Variants in AGBL4 observed in about 807,000 individuals in gnomAD.
AGBL4 encodes AGBL carboxypeptidase 4.
In AGBL4, 58 loss-of-function variants were observed where a neutral mutation model predicts 66.4. The ratio of observed to expected loss-of-function variants is 0.87; its 90% CI spans 0.71 to 1.09. The LOEUF is 1.09. Among genes scored for constraint, AGBL4 ranks in the 50% least tolerant of loss-of-function variants. AGBL4 has a pLI of 0.00. For synonymous variants in AGBL4, 234 were observed against 222.9 expected (o/e 1.05, Z -0.44); for missense variants, 579 against 631.0 (o/e 0.92, Z 0.88).
intron 3 of AGBL4, among the ~76,000 whole-genome samples, chr1:49,658,099 A>T (rs1216221589): frequency 6.6e-6 from 1 of 152,182 alleles, no homozygotes; most frequent in Non-Finnish European, 1.5e-5. Context: ...AATTTTTGCA[A>T]TCTACTCATC....
At chr1:49,986,009 A>G (rs1659473553) in intron 1 of AGBL4, among the ~76,000 whole-genome samples, 1 of 152,138 alleles carries the variant, frequency 6.6e-6, no homozygotes, top group Non-Finnish European at 1.5e-5. Flanking sequence ...TCTACTAAGG[A>G]CATTCCAGAT....
chr1:49,627,564 A>G (rs1226864334), intron 3 of AGBL4, among the ~76,000 whole-genome samples: 1 of 152,084 alleles, frequency 6.6e-6, no homozygotes, highest in Non-Finnish European at 1.5e-5. Flanking sequence ...GCTATGTTTT[A>G]TTTCATACAA....
chr1:49,943,338 T>G (rs952576559), intron 1 of AGBL4, among the ~76,000 whole-genome samples: 3 of 152,152 alleles, frequency 2.0e-5, no homozygotes, highest in Non-Finnish European at 4.4e-5. Flanking sequence ...TACTGCATCA[T>G]GAACTTTTGC....
intron 3 of AGBL4, among the ~76,000 whole-genome samples, chr1:49,264,736 C>T (rs910533397): frequency 1.3e-5 from 2 of 151,960 alleles, no homozygotes; most frequent in Admixed American, 6.6e-5. Flanking sequence ...GTAGAGATGG[C>T]GTTTCTCTGT....
At chr1:49,818,047 G>T (rs544846242) in intron 2 of AGBL4, among the ~76,000 whole-genome samples, 1 of 152,020 alleles carries the variant, frequency 6.6e-6, no homozygotes, top group Non-Finnish European at 1.5e-5. Context: ...TTAATTTTTT[G>T]TAACTTGTTT....
intron 6 of AGBL4, among the ~76,000 whole-genome samples, chr1:48,805,246 G>T (rs1645897549): frequency 6.6e-6 from 1 of 152,158 alleles, no homozygotes; most frequent in South Asian, 2.1e-4. Flanking sequence ...AGTTTTCTTA[G>T]AAATGACATC....
chr1:49,022,860 A>G (rs1026888810), intron 5 of AGBL4, among the ~76,000 whole-genome samples: 1 of 152,214 alleles, frequency 6.6e-6, no homozygotes, highest in Non-Finnish European at 1.5e-5. Flanking sequence ...CTAGTCACTC[A>G]TTTAATTTTC....
At chr1:48,575,680 A>G (rs1472727613) in intron 11 of AGBL4, among the ~76,000 whole-genome samples, 1 of 152,108 alleles carries the variant, frequency 6.6e-6, no homozygotes, top group Non-Finnish European at 1.5e-5. Context: ...TCATCCTTCT[A>G]GACTTGGTAA....
intron 3 of AGBL4, among the ~76,000 whole-genome samples, chr1:49,696,453 G>A (rs187546202): frequency 5.9e-5 from 9 of 152,108 alleles, no homozygotes; most frequent in Admixed American, 2.0e-4. Context: ...TCTGGAAATC[G>A]AAAATCTAAA....
chr1:48,675,575 C>G (rs1646352232), intron 6 of AGBL4, among the ~76,000 whole-genome samples: 3 of 152,218 alleles, frequency 2.0e-5, no homozygotes, highest in Non-Finnish European at 4.4e-5. Flanking sequence ...AAACATCCAT[C>G]ATTGTAAGTG....
At chr1:50,015,188 C>G (rs1034726904) in intron 1 of AGBL4, among the ~76,000 whole-genome samples, 1 of 152,158 alleles carries the variant, frequency 6.6e-6, no homozygotes, top group Non-Finnish European at 1.5e-5. Flanking sequence ...TAATGTGTCC[C>G]TTATTCTAAT....
chr1:49,572,231 C>T (rs1471501035), intron 3 of AGBL4, among the ~76,000 whole-genome samples: 1 of 152,156 alleles, frequency 6.6e-6, no homozygotes, highest in Non-Finnish European at 1.5e-5. Flanking sequence ...AACTTTATTA[C>T]AGATTTACTC....
chr1:48,642,493 A>G (rs2148426210), intron 8 of AGBL4, among the ~76,000 whole-genome samples: 1 of 152,082 alleles, frequency 6.6e-6, no homozygotes, highest in Non-Finnish European at 1.5e-5. Flanking sequence ...GCAACTTAAA[A>G]CTAATTCTTA....
intron 5 of AGBL4, among the ~76,000 whole-genome samples, chr1:48,990,757 A>G (rs1307650958): frequency 6.6e-6 from 1 of 152,070 alleles, no homozygotes; most frequent in African/African-American, 2.4e-5. Context: ...ATTTGAGGTT[A>G]CCATGAGGTT....
intron 2 of AGBL4, among the ~76,000 whole-genome samples, chr1:49,799,509 GGGCTGTAGAAGAC>G (rs1332137229): frequency 6.6e-6 from 1 of 152,152 alleles, no homozygotes; most frequent in East Asian, 1.9e-4. Context: ...ATTAATGTCT[GGGCTGTAGAAGAC>G]TTGTAGAGCT....
intron 3 of AGBL4, among the ~76,000 whole-genome samples, chr1:49,582,928 G>C (rs746344488): frequency 1.2e-4 from 19 of 152,170 alleles, no homozygotes; most frequent in Non-Finnish European, 1.6e-4. Context: ...TTCAGCAAAA[G>C]TGGTTTTTGC....
chr1:49,149,566 A>C (rs192595344), intron 4 of AGBL4, among the ~76,000 whole-genome samples: 1 of 152,344 alleles, frequency 6.6e-6, no homozygotes, highest in African/African-American at 2.4e-5. Context: ...ATCTACGTTT[A>C]TGCTATACAA....
chr1:48,762,484 T>C (rs1158231148), intron 6 of AGBL4, among the ~76,000 whole-genome samples: 1 of 152,180 alleles, frequency 6.6e-6, no homozygotes, highest in Non-Finnish European at 1.5e-5. Flanking sequence ...ACTGACACTT[T>C]AGAGATTGCT....
At chr1:50,002,228 T>C (rs539589338) in intron 1 of AGBL4, among the ~76,000 whole-genome samples, 3 of 152,280 alleles carry the variant, frequency 2.0e-5, no homozygotes, top group Non-Finnish European at 4.4e-5. Context: ...GTGAGTCAAA[T>C]ACACCAAAGG....
Sources: allele counts gnomAD v4.1 joint callset (sites outside exome capture counted in the v4.1 genomes callset), GRCh38; gene constraint gnomAD v4.1.1; transcripts MANE v1.5; gene names NCBI Gene and HGNC (gene_info 2026-07-23, HGNC 2026-07-21).